EPHB2: variants seen among roughly 807,000 people sequenced by gnomAD.
EPHB2 encodes the protein ephrin type-B receptor 2.
Under a neutral mutation model 96.4 loss-of-function variants are expected in EPHB2, and 18 were observed. That is an observed-to-expected ratio of 0.19 (90% CI 0.13 to 0.28). EPHB2 has a LOEUF of 0.28. EPHB2 is among the 10% of genes least tolerant of loss of function. The pLI, the probability that EPHB2 is intolerant of heterozygous loss-of-function variation, is 1.00. For missense variants in EPHB2, 989 were observed against 1,355.4 expected, an observed-to-expected ratio of 0.73 and a Z score of 4.25; for synonymous variants, 506 against 534.1, an observed-to-expected ratio of 0.95 and a Z score of 0.72.
intron 3 of EPHB2, among the ~76,000 whole-genome samples, chr1:22,827,572 A>G (rs1645242692): frequency 6.6e-6 from 1 of 152,210 alleles, no homozygotes; most frequent in South Asian, 2.1e-4. Flanking sequence ...CAATTTTCTC[A>G]TCTAGAAAAT....
intron 14 of EPHB2, among the ~76,000 whole-genome samples, chr1:22,911,455 C>A (rs779433575): frequency 6.6e-6 from 1 of 152,130 alleles, no homozygotes; most frequent in Non-Finnish European, 1.5e-5. Context: ...TTGTACTCAC[C>A]ATACACCCAT....
At chr1:22,912,935 C>T (rs1640155245) in intron 15 of EPHB2, 1 of 383,110 alleles carries the variant, frequency 2.6e-6, no homozygotes, top group Non-Finnish European at 5.0e-6. Context: ...TGGCTCATGC[C>T]TGTAATCTTA....
chr1:22,852,200 AAG>A (rs1475909154), intron 3 of EPHB2, among the ~76,000 whole-genome samples: 3 of 152,216 alleles, frequency 2.0e-5, no homozygotes, highest in African/African-American at 7.2e-5. Flanking sequence ...GCTACAGAGA[AAG>A]AGCCATTGAA....
intron 1 of EPHB2, among the ~76,000 whole-genome samples, chr1:22,735,496 G>A (rs757779274): frequency 4.0e-5 from 6 of 151,866 alleles, no homozygotes; most frequent in Non-Finnish European, 7.4e-5. Flanking sequence ...CTCTAAGGAA[G>A]TTTACAGTCC....
chr1:22,713,200 T>C (rs952510283), intron 1 of EPHB2, among the ~76,000 whole-genome samples: 3 of 152,128 alleles, frequency 2.0e-5, no homozygotes, highest in African/African-American at 7.2e-5. Context: ...CAGGCTCTTG[T>C]TCCGTTTGCC....
intron 9 of EPHB2, among the ~76,000 whole-genome samples, chr1:22,905,543 G>A (rs1489887000): frequency 2.6e-5 from 4 of 152,090 alleles, no homozygotes; most frequent in South Asian, 2.1e-4. Flanking sequence ...AAGACAACAC[G>A]GTCTATTGCC....
At chr1:22,763,749 G>A (rs1006389331) in intron 1 of EPHB2, among the ~76,000 whole-genome samples, 2 of 152,154 alleles carry the variant, frequency 1.3e-5, no homozygotes, top group Admixed American at 6.5e-5. Context: ...TACAGCCCTG[G>A]AGGTTAGACT....
At chr1:22,872,154 C>T (rs551022096) in intron 5 of EPHB2, among the ~76,000 whole-genome samples, 1 of 152,254 alleles carries the variant, frequency 6.6e-6, no homozygotes, top group African/African-American at 2.4e-5. Context: ...TTCCACGTGG[C>T]TGTGGGAGTG....
intron 9 of EPHB2, among the ~76,000 whole-genome samples, chr1:22,904,597 A>G (rs1370164598): frequency 1.3e-5 from 2 of 152,226 alleles, no homozygotes; most frequent in Non-Finnish European, 2.9e-5. Flanking sequence ...AACGTGTTAG[A>G]GCAGCGGTTG....
intron 5 of EPHB2, among the ~76,000 whole-genome samples, chr1:22,881,804 G>T (rs993200173): frequency 6.6e-6 from 1 of 152,114 alleles, no homozygotes; most frequent in Non-Finnish European, 1.5e-5. Context: ...TGTTGGCAAG[G>T]CTGGTCTTGA....
chr1:22,790,232 G>A lies in EPHB2; in HGVS notation c.811+5156G>A, dbSNP rs982679346. On this transcript the variant is annotated intron_variant, in intron 3 of 15. Transcript: ENST00000374630. This position sits in a 1 kb window ranked among gnomAD's most constrained non-coding sequence, Gnocchi z 4.0. Reference sequence around the variant, plus strand: ...TGACAGTACAAGGCATATTTGATGGGTAGAAAGGGCTTTGCAGTGTATAGG... The same window carrying A: ...TGACAGTACAAGGCATATTTGATGGATAGAAAGGGCTTTGCAGTGTATAGG... Among the ~76,000 whole-genome samples, 1 of 152,160 alleles carries A rather than the reference G, an allele frequency of 6.6e-6. No individual in the cohort carries two copies. Among genetic ancestry groups the A allele is most frequent in the African/African-American group, 2.4e-5 (1 of 41,424 alleles).
chr1:22,845,300 G>A (rs183393723), intron 3 of EPHB2, among the ~76,000 whole-genome samples: 7 of 152,302 alleles, frequency 4.6e-5, no homozygotes, highest in Non-Finnish European at 1.0e-4. Context: ...AACAGCATCT[G>A]CCCCACGGTA....
chr1:22,872,019 GA>G (rs35319777), intron 5 of EPHB2, among the ~76,000 whole-genome samples: 12 of 147,156 alleles, frequency 8.2e-5, no homozygotes, highest in African/African-American at 2.7e-4. Flanking sequence ...CCATCTCAAA[GA>G]AAAAAAAAAA....
chr1:22,718,812 T>C (rs1407302166), intron 1 of EPHB2, among the ~76,000 whole-genome samples: 2 of 151,980 alleles, frequency 1.3e-5, no homozygotes, highest in Non-Finnish European at 2.9e-5. Context: ...AAACCAAAGC[T>C]CTGAGAGGAG....
chr1:22,838,092 G>A (rs1645410890), intron 3 of EPHB2, among the ~76,000 whole-genome samples: 2 of 152,204 alleles, frequency 1.3e-5, no homozygotes, highest in African/African-American at 4.8e-5. Context: ...GTAAGGGGCA[G>A]ATAAACAGAG....
Position 22,862,942 on chromosome 1 carries a change from C to T in EPHB2, c.812-95C>T, listed in dbSNP as rs561796506. On this transcript the variant is annotated intron_variant, in intron 3 of 15. Coordinates refer to ENST00000374630, the MANE Select transcript of EPHB2 (RefSeq NM_017449.5). ...GCAGTGGTGCTGCATGGCCCCTCCG[C>T]GAGGCTGTGTGGCCCCTCCGTGAGG... 8.1e-5 allele frequency: 123 copies of T among 1,525,680 alleles called. 1 individual carries two copies. In the Middle Eastern group the frequency reaches 1.8e-3, roughly 22 times the overall value. The allele number at this position is 1,525,680 out of a possible 1,614,324, so 94.5% of individuals were successfully genotyped here. A position where few individuals can be genotyped will look rare whatever the true frequency, so the allele number is the denominator to read the frequency against.
In EPHB2 at chr1:22,882,432, G is replaced by A. The variant is rs2229872; in HGVS notation, c.1377G>A (p.Pro459=). 0.11 allele frequency: 174,732 copies of A among 1,614,030 alleles called. 13,050 individuals carry two copies. The highest frequency in any genetic ancestry group is 0.46 in the East Asian group (20,581 of 44,852). The change falls in exon 6 of 16, where the codon CCG becomes CCA. Residue 459 remains proline (P), a synonymous_variant. Coordinates refer to ENST00000374630, the MANE Select transcript of EPHB2 (RefSeq NM_017449.5). ...GCATTACCCTGTCGTGGTCCCAGCCGGACCAGCCCAATGGCGTGATCCTGG... is the reference window on the plus strand; with the variant it reads ...GCATTACCCTGTCGTGGTCCCAGCCAGACCAGCCCAATGGCGTGATCCTGG... The part of the protein sequence containing the change: ...VDSITLSWSQ[P]DQPNGVILDY...
chr1:22,855,541 CT>C (rs1157807408), intron 3 of EPHB2, among the ~76,000 whole-genome samples: 1 of 152,220 alleles, frequency 6.6e-6, no homozygotes, highest in Admixed American at 6.5e-5. Flanking sequence ...CAGTAAATGC[CT>C]GTAGAATAAA....
chr1:22,820,628 A>G (rs1570338244), intron 3 of EPHB2, among the ~76,000 whole-genome samples: 2 of 152,250 alleles, frequency 1.3e-5, no homozygotes, highest in East Asian at 3.9e-4. Context: ...GCACCACTGC[A>G]CTCCATGCAC....
Sources: gnomAD v4.1 joint callset for allele counts (sites outside exome capture counted in the v4.1 genomes callset) on GRCh38, gnomAD v4.1.1 for gene constraint, Gnocchi (gnomAD v3.1) non-coding constraint, MANE v1.5 for transcripts, NCBI Gene and HGNC (gene_info 2026-07-23, HGNC 2026-07-21) for gene names.